Variants in GATAD1 observed in about 807,000 individuals in gnomAD.
The protein encoded by GATAD1 is GATA zinc finger domain-containing protein 1.
Under a neutral mutation model 26.5 loss-of-function variants are expected in GATAD1, and 12 were observed. The observed-to-expected ratio is 0.45, with a 90% confidence interval of 0.29 to 0.73. The LOEUF (loss-of-function observed/expected upper bound fraction) is 0.73, where lower values mean the gene tolerates loss of function less well. GATAD1 is among the 30% of genes least tolerant of loss of function. GATAD1 has a pLI of 0.10. For missense variants in GATAD1, 266 were observed against 342.1 expected, an observed-to-expected ratio of 0.78 and a Z score of 1.75; for synonymous variants, 129 against 133.1, an observed-to-expected ratio of 0.97 and a Z score of 0.21.
intron 4 of GATAD1, 28 bp from the exon 5 acceptor site, chr7:92,456,344 T>C (rs781525168): frequency 6.7e-7 from 1 of 1,492,394 alleles, no homozygotes; most frequent in Non-Finnish European, 9.2e-7. Context: ...CAAAAATGTA[T>C]TTAACCTTTC....
chr7:92,454,784 T>C, intron 4 of GATAD1, 99 bp downstream of exon 4: 1 of 772,796 alleles, frequency 1.3e-6, no homozygotes, highest in Non-Finnish European at 2.0e-6. Context: ...CAGGACAAAA[T>C]ATCACAGACT....
At chr7:92,494,264 G>T in the GATAD1 span, 2 of 1,511,880 alleles carry the variant, frequency 1.3e-6, no homozygotes, top group Non-Finnish European at 1.8e-6. Flanking sequence ...CATTTGTTGG[G>T]TTTTGGACTC....
At chr7:92,474,707 A>G in the GATAD1 span, 2 of 152,226 alleles carry the variant, frequency 1.3e-5, no homozygotes, top group Admixed American at 1.3e-4. Context: ...TTTAGCAGTG[A>G]CATTATATCT....
chr7:92,493,925 C>T, the GATAD1 span: 1 of 268,078 alleles, frequency 3.7e-6, no homozygotes, highest in Non-Finnish European at 7.2e-6. Flanking sequence ...CTCTATGAAA[C>T]CTGCTTACAT....
At chr7:92,484,116 A>G in the GATAD1 span, among the ~76,000 whole-genome samples, 14 of 152,160 alleles carry the variant, frequency 9.2e-5, no homozygotes, top group African/African-American at 3.4e-4. Context: ...AGGATGGAGA[A>G]ATTGAAAGTG....
the GATAD1 span, chr7:92,487,367 A>G: frequency 1.4e-6 from 1 of 711,450 alleles, no homozygotes; most frequent in Non-Finnish European, 2.5e-6. Flanking sequence ...TAAATTAAGA[A>G]GAAATTCATA....
chr7:92,470,255 G>A, the GATAD1 span: 55 of 778,702 alleles, frequency 7.1e-5, no homozygotes, highest in Admixed American at 5.9e-4. Context: ...TTTCCGGGAC[G>A]CTGCATTCTC....
intron 3 of GATAD1, 32 bp downstream of exon 3, chr7:92,450,792 T>G (rs1353380481): frequency 1.5e-6 from 2 of 1,365,106 alleles, no homozygotes; most frequent in Non-Finnish European, 2.1e-6. Flanking sequence ...GAAGGAAGAG[T>G]TGGGCCTAGT....
In GATAD1 at chr7:92,454,525, T is replaced by A. The variant is rs1789582745; in HGVS notation, c.459T>A (p.Asp153Glu). Residue 153 changes from aspartate to glutamate, a missense_variant, in exon 4 of 5, where the codon GAT becomes GAA. By Grantham distance (45) the Asp-to-Glu change is conservative (BLOSUM62 2). Coordinates refer to ENST00000287957, the MANE Select transcript of GATAD1 (RefSeq NM_021167.5). ...AGGGAGTATATTACCAAATTGGTGA[T>A]GTTGTTTCTGTGATTGATGAACAAG... ...FYKGVYYQIG[D>E]VVSVIDEQDG... 6.2e-7 allele frequency: 1 copy of A among 1,611,514 alleles called. No homozygotes were observed. The highest frequency in any genetic ancestry group is 8.5e-7 in the Non-Finnish European group (1 of 1,177,784).
At chr7:92,454,825 T>C in intron 4 of GATAD1, 140 bp downstream of exon 4, 1 of 597,626 alleles carries the variant, frequency 1.7e-6, no homozygotes. Context: ...AGTCACTTTC[T>C]CACAGTTGTG....
chr7:92,489,651 T>C, the GATAD1 span: 1 of 1,443,400 alleles, frequency 6.9e-7, no homozygotes, highest in Non-Finnish European at 9.7e-7. Flanking sequence ...GAAATATATA[T>C]CAAAAGGGTG....
At chr7:92,467,650 GC>G in the GATAD1 span, among the ~76,000 whole-genome samples, 1 of 152,238 alleles carries the variant, frequency 6.6e-6, no homozygotes, top group African/African-American at 2.4e-5. Flanking sequence ...GGAGAGCTAT[GC>G]CAGTCAGGCC....
At chr7:92,484,957 G>C in the GATAD1 span, among the ~76,000 whole-genome samples, 1 of 151,626 alleles carries the variant, frequency 6.6e-6, no homozygotes, top group African/African-American at 2.4e-5. Flanking sequence ...AGCGAAGGGA[G>C]ATAGGGGTGG....
the GATAD1 span, among the ~76,000 whole-genome samples, chr7:92,490,991 C>G: frequency 6.6e-6 from 1 of 152,162 alleles, no homozygotes; most frequent in Non-Finnish European, 1.5e-5. Flanking sequence ...GGAACTGCTC[C>G]TAAAGATGTT....
At chr7:92,476,835 G>A in the GATAD1 span, among the ~76,000 whole-genome samples, 1 of 152,148 alleles carries the variant, frequency 6.6e-6, no homozygotes, top group African/African-American at 2.4e-5. Flanking sequence ...GACTCCCTGG[G>A]TTATAGCCTA....
At chr7:92,453,174 CAA>C (rs533677916) in intron 3 of GATAD1, among the ~76,000 whole-genome samples, 1 of 152,330 alleles carries the variant, frequency 6.6e-6, no homozygotes, top group African/African-American at 2.4e-5. Flanking sequence ...AGTATTTCCT[CAA>C]AAGTGTTTTT....
chr7:92,460,629 T>TTA (rs538759699), downstream of GATAD1, among the ~76,000 whole-genome samples: 345 of 152,126 alleles, frequency 2.3e-3, no homozygotes, highest in Admixed American at 4.2e-3. Context: ...GAAGCATCTT[T>TTA]TATAAAAGAT....
the GATAD1 span, chr7:92,489,924 T>C: frequency 1.5e-5 from 22 of 1,501,298 alleles, no homozygotes; most frequent in Admixed American, 2.2e-4. Flanking sequence ...GCATGGTAAA[T>C]TGTAGTAATG....
the GATAD1 span, chr7:92,468,311 C>T: frequency 4.9e-4 from 86 of 174,968 alleles, no homozygotes; most frequent in Non-Finnish European, 8.2e-4. Context: ...TCTGCGGTGG[C>T]GGCAAACAGC....
Sources: allele counts gnomAD v4.1 joint callset (sites outside exome capture counted in the v4.1 genomes callset), GRCh38; gene constraint gnomAD v4.1.1; transcripts MANE v1.5; gene names NCBI Gene and HGNC (gene_info 2026-07-23, HGNC 2026-07-21).